The following EIF1 variants were observed in gnomAD, a reference collection of about 807,000 sequenced individuals.
EIF1 encodes the protein eukaryotic translation initiation factor 1.
A neutral mutation model predicts 13.7 loss-of-function variants in EIF1; 4 were observed. That is an observed-to-expected ratio of 0.29 (90% CI 0.14 to 0.67). The LOEUF (loss-of-function observed/expected upper bound fraction) is 0.67, where lower values mean the gene tolerates loss of function less well. EIF1 is among the 30% of genes least tolerant of loss of function. EIF1 has a pLI of 0.77. For synonymous variants in EIF1, 67 were observed against 50.7 expected, an observed-to-expected ratio of 1.32 and a Z score of -1.37; for missense variants, 64 against 138.0, an observed-to-expected ratio of 0.46 and a Z score of 2.69.
At chr17:41,690,641 G>T in intron 3 of EIF1, 141 bp from the exon 4 acceptor site, 1 of 814,462 alleles carries the variant, frequency 1.2e-6, no homozygotes, top group South Asian at 1.6e-5. Flanking sequence ...GCTCTTAACT[G>T]AGGACCCTCT....
rs1436985022 is a variant in EIF1, at chr17:41,691,166, C to A, written c.*340C>A. 9 of 482,460 alleles carry A rather than the reference C, an allele frequency of 1.9e-5. No individual in the cohort carries two copies. The highest frequency in any genetic ancestry group is 3.0e-5 in the Non-Finnish European group (8 of 270,534). 29.9% of individuals were successfully genotyped at this position (482,460 alleles called of 1,614,324 possible). ...TCCTCAGCTCTCCCTCTGCAGAGTT[C>A]CCTACCCTAAGAGAATGTTACCACC... On this transcript the variant is annotated 3_prime_UTR_variant, in exon 4 of 4. Transcript: ENST00000469257.
chr17:41,690,891 C>A lies in EIF1; in HGVS notation c.*65C>A. The A allele has an allele frequency of 6.3e-7, 1 of 1,579,786 alleles. No individual in the cohort carries two copies. Among genetic ancestry groups the A allele is most frequent in the Non-Finnish European group, 8.7e-7 (1 of 1,150,870 alleles). ...GCAATGAGTAGAATTTCCCTTCTCT[C>A]CCTTGTCACAGGTTTAAAAACCTCA... On this transcript the variant is annotated 3_prime_UTR_variant, in exon 4 of 4. Coordinates refer to ENST00000469257, the MANE Select transcript of EIF1 (RefSeq NM_005801.4).
At position 41,689,941 on chromosome 17, in the gene EIF1, A is replaced by G. The variant is rs1163939406; in HGVS notation, c.195A>G (p.Lys65=). The G allele has an allele frequency of 2.5e-6, 4 of 1,610,172 alleles. No homozygotes were observed. The highest frequency in any genetic ancestry group is 1.3e-5 in the African/African-American group (1 of 74,664). Residue 65 remains lysine (K), a splice_region_variant and synonymous_variant, in exon 2 of 4, where the codon AAA becomes AAG. Coordinates refer to ENST00000469257, the MANE Select transcript of EIF1 (RefSeq NM_005801.4). The stretch of plus-strand genomic sequence containing the variant: ...AGAAACTAGTGAAGGCGTTTAAGAA[A>G]GTAGGTCTTCAGTGAGATTTTGGGA... ...DKKKLVKAFK[K]KFACNGTVIE...
chr17:41,689,306 A>G (rs955343937), intron 1 of EIF1: 17 of 595,500 alleles, frequency 2.9e-5, no homozygotes, highest in Middle Eastern at 4.3e-4. Flanking sequence ...TCAGTGGCGC[A>G]TTTACTAATG....
Position 41,691,183 on chromosome 17 carries a change from G to C in EIF1, c.*357G>C. ...GCAGAGTTCCCTACCCTAAGAGAAT[G>C]TTACCACCTGAACAGTCCTCGGTGA... On this transcript the variant is annotated 3_prime_UTR_variant, in exon 4 of 4. Coordinates refer to ENST00000469257, the MANE Select transcript of EIF1 (RefSeq NM_005801.4). The C allele has an allele frequency of 2.2e-6, 1 of 459,820 alleles. No individual in the cohort carries two copies. The highest frequency in any genetic ancestry group is 3.2e-5 in the East Asian group (1 of 31,720). 28.5% of individuals were successfully genotyped at this position (459,820 alleles called of 1,614,324 possible).
Position 41,689,957 on chromosome 17 carries a change from G to A in EIF1, c.195+16G>A, listed in dbSNP as rs1190112285. On this transcript the variant is annotated intron_variant, in intron 2 of 3. Coordinates refer to ENST00000469257, the MANE Select transcript of EIF1 (RefSeq NM_005801.4). The stretch of plus-strand genomic sequence containing the variant: ...GTTTAAGAAAGTAGGTCTTCAGTGA[G>A]ATTTTGGGAAAGTCATAATGGATTT... 13 of 1,610,068 alleles carry A rather than the reference G, an allele frequency of 8.1e-6. No homozygotes were observed. Among genetic ancestry groups the A allele is most frequent in the Middle Eastern group, 3.3e-4 (2 of 6,054 alleles).
Position 41,691,203 on chromosome 17 carries a change from C to G in EIF1, c.*377C>G, listed in dbSNP as rs898525945. The stretch of plus-strand genomic sequence containing the variant: ...AGAATGTTACCACCTGAACAGTCCT[C>G]GGTGAATCTGAGAGGAGAGGATGGG... On this transcript the variant is annotated 3_prime_UTR_variant, in exon 4 of 4. Transcript: ENST00000469257. 5 of 403,672 alleles carry G rather than the reference C, an allele frequency of 1.2e-5. No individual in the cohort carries two copies. The Admixed American group carries it at 1.6e-4, about 13-fold the overall frequency. The allele number at this position is 403,672 out of a possible 1,614,324, so 25.0% of individuals were successfully genotyped here. A position where few individuals can be genotyped will look rare whatever the true frequency, so the allele number is the denominator to read the frequency against.
Position 41,691,850 on chromosome 17 carries a change from G to GC in EIF1, c.*1025dup. 1 of 152,386 alleles carries GC rather than the reference G, an allele frequency of 6.6e-6. No individual in the cohort carries two copies. Among genetic ancestry groups the GC allele is most frequent in the South Asian group, 2.1e-4 (1 of 4,836 alleles). 9.4% of individuals were successfully genotyped at this position (152,386 alleles called of 1,614,324 possible). A position where few individuals can be genotyped will look rare whatever the true frequency, so the allele number is the denominator to read the frequency against. ...AGACAGGTTTGCCCTTGTTGCCCAG[G>GC]CTGGAGTGCAGTGGCACAATCTCGG... On this transcript the variant is annotated 3_prime_UTR_variant, in exon 4 of 4. Transcript: ENST00000469257.
chr17:41,689,322 T>TGGGCCTCCTCGGGCCACACCC (rs1910294820), intron 1 of EIF1: 2 of 588,864 alleles, frequency 3.4e-6, no homozygotes, highest in Middle Eastern at 4.5e-4. Context: ...TAATGGCTCC[T>TGGGCCTCCTCGGGCCACACCC]GGGCCTCCTC....
At position 41,689,064 on chromosome 17, in the gene EIF1, C is replaced by T. The variant is rs766705600; in HGVS notation, c.26C>T (p.Ser9Phe). 16 of 1,613,714 alleles carry T rather than the reference C, an allele frequency of 9.9e-6. No homozygotes were observed. Among genetic ancestry groups the T allele is most frequent in the Middle Eastern group, 1.6e-4 (1 of 6,062 alleles). Residue 9 changes from serine to phenylalanine, a missense_variant, in exon 1 of 4, where the codon TCT becomes TTT. Ser to Phe is a radical substitution (Grantham distance 155). Coordinates refer to ENST00000469257, the MANE Select transcript of EIF1 (RefSeq NM_005801.4). ...ATGTCCGCTATCCAGAACCTCCACT[C>T]TTTCGGTAAGCTATGGGAAAGGTCG... MSAIQNLH[S>F]FDPFADASKG...
chr17:41,690,631 G>T, intron 3 of EIF1, 151 bp from the exon 4 acceptor site: 1 of 715,282 alleles, frequency 1.4e-6, no homozygotes, highest in Non-Finnish European at 2.4e-6. Flanking sequence ...AAAAAAGGTA[G>T]CTCTTAACTG....
chr17:41,689,340 A>G (rs1052956978), intron 1 of EIF1: 9 of 560,522 alleles, frequency 1.6e-5, no homozygotes, highest in Non-Finnish European at 2.8e-5. Flanking sequence ...CTCGGGCCAC[A>G]CCCGCCCCTC....
chr17:41,690,450 C>G, intron 3 of EIF1: 1 of 551,710 alleles, frequency 1.8e-6, no homozygotes, highest in Non-Finnish European at 3.2e-6. Flanking sequence ...AAGCCAAATG[C>G]TGGGTTGTTC....
chr17:41,689,567 G>GCGGGAGGC lies in EIF1; in HGVS notation c.32-209_32-202dup, dbSNP rs963294035. 13 of 513,482 alleles carry GCGGGAGGC rather than the reference G, an allele frequency of 2.5e-5. No individual in the cohort carries two copies. In the African/African-American group the frequency reaches 2.6e-4, roughly 10 times the overall value. 31.8% of individuals were successfully genotyped at this position (513,482 alleles called of 1,614,324 possible). A position where few individuals can be genotyped will look rare whatever the true frequency, so the allele number is the denominator to read the frequency against. ...ACATGTGATCGGCTTCCCAGGGAGGGCGGGAGGCCCGGGCGTTCCCCGAGC... is the reference window on the plus strand; with the variant it reads ...ACATGTGATCGGCTTCCCAGGGAGGGCGGGAGGCCGGGAGGCCCGGGCGTTCCCCGAGC... On this transcript the variant is annotated intron_variant, in intron 1 of 3. Transcript: ENST00000469257.
chr17:41,689,745 A>G (rs1412684384), intron 1 of EIF1, 33 bp from the exon 2 acceptor site: 1 of 1,553,644 alleles, frequency 6.4e-7, no homozygotes, highest in Non-Finnish European at 8.7e-7. Flanking sequence ...CCTATCTTTG[A>G]CAGCTCTGAA....
intron 3 of EIF1, chr17:41,690,490 A>C: frequency 1.8e-6 from 1 of 548,520 alleles, no homozygotes; most frequent in Non-Finnish European, 3.2e-6. Context: ...AGTTTTTAAA[A>C]ATGAATTTCC....
In EIF1 at chr17:41,690,183, C is replaced by G. The variant is rs778744622; in HGVS notation, c.291C>G (p.Leu97=). 6.2e-7 allele frequency: 1 copy of G among 1,613,250 alleles called. No individual in the cohort carries two copies. The highest frequency in any genetic ancestry group is 2.2e-5 in the East Asian group (1 of 44,874). ...AACGCAAGAACATATGCCAGTTCCT[C>G]GTAGAGGTGAGTTCAGTCACTACTT... ...GDQRKNICQF[L]VEIGLAKDDQ... is the part of the protein sequence containing the mutation. The change falls in exon 3 of 4, where the codon CTC becomes CTG. Residue 97 remains leucine (L), a synonymous_variant. Transcript: ENST00000469257.
At chr17:41,689,267 T>G in intron 1 of EIF1, 198 bp downstream of exon 1, 1 of 646,206 alleles carries the variant, frequency 1.5e-6, no homozygotes, top group East Asian at 2.8e-5. Context: ...GAGCAGGCGG[T>G]AGGTCAGCCC....
chr17:41,690,049 C>G (rs747286930), intron 2 of EIF1, 39 bp from the exon 3 acceptor site: 2 of 1,610,692 alleles, frequency 1.2e-6, no homozygotes, highest in Non-Finnish European at 1.7e-6. Flanking sequence ...TGCGTTCATG[C>G]TCTTGCTAGG....
Sources: gnomAD v4.1 joint callset for allele counts on GRCh38, gnomAD v4.1.1 for gene constraint, MANE v1.5 for transcripts, NCBI Gene and HGNC (gene_info 2026-07-23, HGNC 2026-07-21) for gene names.